The following CDV3 variants were observed in gnomAD, a reference collection of about 807,000 sequenced individuals.
The protein encoded by CDV3 is protein CDV3 homolog.
In CDV3, 14 loss-of-function variants were observed where a neutral mutation model predicts 24.5. That is an observed-to-expected ratio of 0.57 (90% CI 0.38 to 0.89). CDV3 has a LOEUF of 0.89. CDV3 is among the 40% of genes least tolerant of loss of function. The pLI, the probability that CDV3 is intolerant of heterozygous loss-of-function variation, is 0.00. For synonymous variants in CDV3, 114 were observed against 114.1 expected (o/e 1.00, Z 0.00); for missense variants, 304 against 310.2 (o/e 0.98, Z 0.15).
Position 133,584,003 on chromosome 3 carries a change from A to T in CDV3, c.319A>T (p.Ser107Cys), listed in dbSNP as rs929960576. ...GLRVQAMQIS[S>C]EKEEDDNEKR... ...GAATTTACATCTTTGCTTTTCCAGC[A>T]GTGAAAAGGAAGAAGACGATAATGA... The change falls in exon 3 of 5, where the codon AGT becomes TGT. Residue 107 changes from serine to cysteine, a missense_variant and splice_region_variant. This residue lies in a region of CDV3 where 219 missense variants were observed against 203.6 expected (regional missense o/e 1.08). Transcript: ENST00000264993. 1 of 1,591,776 alleles carries T rather than the reference A, an allele frequency of 6.3e-7. No homozygotes were observed. The highest frequency in any genetic ancestry group is 1.4e-5 in the African/African-American group (1 of 73,366).
At chr3:133,578,277 C>G (rs1170928816) in intron 2 of CDV3, among the ~76,000 whole-genome samples, 1 of 152,222 alleles carries the variant, frequency 6.6e-6, no homozygotes, top group African/African-American at 2.4e-5. Context: ...CAGCCACTTC[C>G]ATCTTTAAAG....
intron 2 of CDV3, among the ~76,000 whole-genome samples, chr3:133,580,133 C>G (rs575159432): frequency 1.3e-5 from 2 of 152,028 alleles, no homozygotes; most frequent in African/African-American, 2.4e-5. Flanking sequence ...CCCCCACCCC[C>G]CAACAGGCCC....
Position 133,576,841 on chromosome 3 carries a change from CTT to C in CDV3, c.317+1748_317+1749del, listed in dbSNP as rs370619351. Reference sequence around the variant, plus strand: ...TCTGTTCAACCTGAAGGTAGACTAGCTTTTTTTTTTTTTTTTTTTTTTTGAGA... The same window carrying C: ...TCTGTTCAACCTGAAGGTAGACTAGCTTTTTTTTTTTTTTTTTTTTTGAGA... On this transcript the variant is annotated intron_variant, in intron 2 of 4. Coordinates refer to ENST00000264993, the MANE Select transcript of CDV3 (RefSeq NM_017548.5). 2.7e-3 allele frequency among the ~76,000 whole-genome samples: 169 copies of C among 62,378 alleles called. 1 individual carries two copies. Among genetic ancestry groups the C allele is most frequent in the African/African-American group, 6.8e-3 (100 of 14,730 alleles). The allele number at this position is 62,378 out of a possible 152,430, so 40.9% of individuals were successfully genotyped here.
intron 2 of CDV3, among the ~76,000 whole-genome samples, chr3:133,576,840 G>GTTTTTTTTTTT (rs1378596698): frequency 9.2e-4 from 24 of 26,036 alleles, no homozygotes; most frequent in Non-Finnish European, 1.4e-3. Context: ...AGGTAGACTA[G>GTTTTTTTTTTT]CTTTTTTTTT....
intron 2 of CDV3, among the ~76,000 whole-genome samples, chr3:133,578,157 TCTTA>T (rs2074888409): frequency 6.6e-6 from 1 of 152,034 alleles, no homozygotes; most frequent in South Asian, 2.1e-4. Context: ...CCCTGACTAA[TCTTA>T]CTTTTTTTTT....
chr3:133,574,464 C>A (rs1314000896), intron 1 of CDV3, 180 bp downstream of exon 1: 19 of 986,406 alleles, frequency 1.9e-5, no homozygotes, highest in Non-Finnish European at 2.3e-5. Context: ...GGGACCCCTT[C>A]CGATATCCGC....
At chr3:133,578,596 A>G (rs929806091) in intron 2 of CDV3, among the ~76,000 whole-genome samples, 1 of 152,216 alleles carries the variant, frequency 6.6e-6, no homozygotes, top group African/African-American at 2.4e-5. Flanking sequence ...GGCAGAGGAG[A>G]GACATTTCAT....
At chr3:133,580,085 A>T (rs1237674733) in intron 2 of CDV3, among the ~76,000 whole-genome samples, 3 of 152,094 alleles carry the variant, frequency 2.0e-5, no homozygotes, top group African/African-American at 7.2e-5. Flanking sequence ...CTTGTCATTT[A>T]CATTAGGTAT....
In CDV3 at chr3:133,589,239, T is replaced by C. The variant is rs1005764000; in HGVS notation, c.*1193T>C. The C allele has an allele frequency of 1.3e-5, 2 of 152,684 alleles. No homozygotes were observed. Among genetic ancestry groups the C allele is most frequent in the African/African-American group, 4.8e-5 (2 of 41,460 alleles). The allele number at this position is 152,684 out of a possible 1,614,324, so 9.5% of individuals were successfully genotyped here. ...TTGATAAGAATTCCTCATGTACTTGTGCCTAGTTTTTCAAGGTATTGGCTG... is the reference window on the plus strand; with the variant it reads ...TTGATAAGAATTCCTCATGTACTTGCGCCTAGTTTTTCAAGGTATTGGCTG... On this transcript the variant is annotated 3_prime_UTR_variant, in exon 5 of 5. Coordinates refer to ENST00000264993, the MANE Select transcript of CDV3 (RefSeq NM_017548.5).
At position 133,574,205 on chromosome 3, in the gene CDV3, C is replaced by T. The variant is rs899637715; in HGVS notation, c.161C>T (p.Ala54Val). The change falls in exon 1 of 5, where the codon GCG becomes GTG. Residue 54 changes from alanine to valine, a missense_variant. Around this residue, in one of 3 missense-constraint regions of CDV3, gnomAD observed 219 missense variants for 203.6 expected, o/e 1.08. Transcript: ENST00000264993. ...GGTGCGGCGGGCGGCGGGGCGGGCG[C>T]GGGGACCCGGCCGGGTGACGGCGGG... ...AAGAAGGGAG[A>V]GTRPGDGGTA... 9.9e-7 allele frequency: 1 copy of T among 1,013,936 alleles called. No homozygotes were observed. Among genetic ancestry groups the T allele is most frequent in the African/African-American group, 1.7e-5 (1 of 57,314 alleles). The allele number at this position is 1,013,936 out of a possible 1,614,324, so 62.8% of individuals were successfully genotyped here.
At chr3:133,583,918 C>G in intron 2 of CDV3, 84 bp from the exon 3 acceptor site, 1 of 970,398 alleles carries the variant, frequency 1.0e-6, no homozygotes, top group East Asian at 2.4e-5. Context: ...CAGGGTCGTA[C>G]AGATAATCAT....
At chr3:133,584,793 T>C (rs986505184) in intron 3 of CDV3, among the ~76,000 whole-genome samples, 5 of 152,186 alleles carry the variant, frequency 3.3e-5, no homozygotes, top group South Asian at 2.1e-4. Flanking sequence ...AGGAATCTTA[T>C]ACCTTAACAG....
chr3:133,586,629 C>T lies in CDV3; in HGVS notation c.533C>T (p.Thr178Ile). 6.3e-7 allele frequency: 1 copy of T among 1,597,882 alleles called. No homozygotes were observed. Among genetic ancestry groups the T allele is most frequent in the Non-Finnish European group, 8.6e-7 (1 of 1,165,120 alleles). ...VYRPPGARLT[T>I]TRKTPQGPPE... ...AGGCCTCCTGGGGCCAGGTTAACCACAACAAGGAAAACACCACAAGGACCA... is the reference window on the plus strand; with the variant it reads ...AGGCCTCCTGGGGCCAGGTTAACCATAACAAGGAAAACACCACAAGGACCA... Residue 178 changes from threonine to isoleucine, a missense_variant, in exon 4 of 5, where the codon ACA becomes ATA. Physicochemically the swap from Thr to Ile is moderately conservative, Grantham distance 89. Around this residue, in one of 3 missense-constraint regions of CDV3, gnomAD observed 29 missense variants for 55.8 expected, o/e 0.52. Transcript: ENST00000264993.
chr3:133,575,297 A>C (rs566582475), intron 2 of CDV3, among the ~76,000 whole-genome samples, 182 bp downstream of exon 2: 2 of 152,356 alleles, frequency 1.3e-5, no homozygotes, highest in South Asian at 4.1e-4. Flanking sequence ...CCGTGTGCTC[A>C]TGAAATTAGC....
intron 1 of CDV3, 105 bp downstream of exon 1, chr3:133,574,389 G>C (rs941035247): frequency 3.3e-5 from 31 of 944,968 alleles, no homozygotes; most frequent in Non-Finnish European, 3.8e-5. Context: ...CGCGGAGGCC[G>C]GGCGGACGGG....
At chr3:133,574,465 C>T (rs552374881) in intron 1 of CDV3, 181 bp downstream of exon 1, 2 of 986,382 alleles carry the variant, frequency 2.0e-6, no homozygotes, top group Non-Finnish European at 2.4e-6. Flanking sequence ...GGACCCCTTC[C>T]GATATCCGCG....
At chr3:133,582,356 T>TGGCCA (rs1933129000) in intron 2 of CDV3, among the ~76,000 whole-genome samples, 1 of 152,194 alleles carries the variant, frequency 6.6e-6, no homozygotes, top group South Asian at 2.1e-4. Context: ...TTTGCCATGT[T>TGGCCA]GGCCAGGCTG....
intron 2 of CDV3, among the ~76,000 whole-genome samples, chr3:133,580,105 C>G (rs899895343): frequency 6.6e-6 from 1 of 152,040 alleles, no homozygotes; most frequent in Non-Finnish European, 1.5e-5. Flanking sequence ...TTTCTCCTAA[C>G]GCTATCCCTC....
chr3:133,574,470 T>C (rs113254107), intron 1 of CDV3, 186 bp downstream of exon 1: 85,742 of 986,214 alleles, frequency 0.087, 4,187 homozygotes, highest in African/African-American at 0.2. Flanking sequence ...CCTTCCGATA[T>C]CCGCGGTGGA....
Sources: allele counts gnomAD v4.1 joint callset (sites outside exome capture counted in the v4.1 genomes callset), GRCh38; gene constraint gnomAD v4.1.1; regional missense constraint gnomAD v4.1.1; transcripts MANE v1.5; gene names NCBI Gene and HGNC (gene_info 2026-07-23, HGNC 2026-07-21).